Variants in MICAL3 observed in about 807,000 individuals in gnomAD.
MICAL3 encodes the protein microtubule associated monooxygenase, calponin and LIM domain containing 3, also known as [F-actin]-monooxygenase MICAL3.
A neutral mutation model predicts 207.4 loss-of-function variants in MICAL3; 62 were observed. The observed-to-expected ratio is 0.30, with a 90% confidence interval of 0.24 to 0.37. MICAL3 has a LOEUF of 0.37. MICAL3 is among the 10% of genes least tolerant of loss of function. The pLI, the probability that MICAL3 is intolerant of heterozygous loss-of-function variation, is 1.00. For missense variants in MICAL3, 2,368 were observed against 2,635.6 expected, an observed-to-expected ratio of 0.90 and a Z score of 2.22; for synonymous variants, 1,077 against 1,069.3, an observed-to-expected ratio of 1.01 and a Z score of -0.14.
chr22:17,838,823 C>T (rs980485956), intron 20 of MICAL3, among the ~76,000 whole-genome samples: 8 of 152,160 alleles, frequency 5.3e-5, no homozygotes, highest in African/African-American at 1.2e-4. Context: ...GAAGGACCGA[C>T]GGCTGGAAAG....
chr22:17,800,123 G>T (rs1262997227), intron 29 of MICAL3, among the ~76,000 whole-genome samples: 2 of 152,144 alleles, frequency 1.3e-5, no homozygotes, highest in African/African-American at 4.8e-5. Flanking sequence ...GCTCAGAAGG[G>T]CAGGGGCTGG....
chr22:17,864,671 GC>G, intron 19 of MICAL3: 1 of 1,607,208 alleles, frequency 6.2e-7, no homozygotes, highest in Non-Finnish European at 8.5e-7. Flanking sequence ...GCCACAGCCT[GC>G]CAGTGGAACT....
chr22:17,838,312 G>A (rs1200871712), intron 20 of MICAL3, among the ~76,000 whole-genome samples: 1 of 152,310 alleles, frequency 6.6e-6, no homozygotes, highest in East Asian at 1.9e-4. Flanking sequence ...AGCCCTGGGT[G>A]ACTCTGGCAT....
intron 29 of MICAL3, among the ~76,000 whole-genome samples, chr22:17,807,107 G>A (rs1196398866): frequency 2.6e-5 from 4 of 152,256 alleles, no homozygotes; most frequent in Admixed American, 2.0e-4. Flanking sequence ...TTCTGTCTGT[G>A]TGTTGAGATC....
chr22:17,970,948 G>A (rs536410562), intron 1 of MICAL3, among the ~76,000 whole-genome samples: 71 of 152,260 alleles, frequency 4.7e-4, no homozygotes, highest in African/African-American at 1.4e-3. Flanking sequence ...TTGGGAGGTC[G>A]AAGTGGGCAG....
At chr22:17,887,738 A>G (rs1930052703) in intron 13 of MICAL3, among the ~76,000 whole-genome samples, 1 of 152,236 alleles carries the variant, frequency 6.6e-6, no homozygotes, top group African/African-American at 2.4e-5. Flanking sequence ...TGTGATTGTT[A>G]GTTACAGCAG....
Position 17,865,957 on chromosome 22 carries a change from C to T in MICAL3, c.2484G>A (p.Arg828=). ...ACAGGGGAGCCACTGCCGGTCTCTT[C>T]CTTTGTGCGTAGCCAGAGAGTCGAT... ...YCYRLSGYAQ[R]KRPAVAPLSG... Residue 828 remains arginine, a synonymous_variant, in exon 18 of 32, where the codon AGG becomes AGA. Coordinates refer to ENST00000441493, the MANE Select transcript of MICAL3 (RefSeq NM_015241.3). 6.2e-7 allele frequency: 1 copy of T among 1,614,000 alleles called. No individual in the cohort carries two copies. The highest frequency in any genetic ancestry group is 8.5e-7 in the Non-Finnish European group (1 of 1,179,852).
At chr22:17,849,387 T>C (rs541946990) in intron 19 of MICAL3, among the ~76,000 whole-genome samples, 1 of 152,334 alleles carries the variant, frequency 6.6e-6, no homozygotes, top group East Asian at 1.9e-4. Flanking sequence ...CCAGCTACAG[T>C]GCACCGGTGC....
intron 1 of MICAL3, among the ~76,000 whole-genome samples, chr22:17,912,470 TAAGC>T (rs1932207074): frequency 2.0e-5 from 3 of 152,216 alleles, no homozygotes; most frequent in African/African-American, 7.2e-5. Flanking sequence ...TTCCAACCCA[TAAGC>T]GTGAATTTGT....
chr22:17,911,477 G>A (rs1260346298), intron 1 of MICAL3, among the ~76,000 whole-genome samples: 2 of 152,196 alleles, frequency 1.3e-5, no homozygotes, highest in Non-Finnish European at 2.9e-5. Context: ...ACAGCAATCT[G>A]TGAACTGCGC....
At chr22:17,901,454 A>G (rs1931313250) in intron 5 of MICAL3, among the ~76,000 whole-genome samples, 1 of 152,102 alleles carries the variant, frequency 6.6e-6, no homozygotes, top group South Asian at 2.1e-4. Context: ...AGAGTGCTTG[A>G]GCCAAGGAGT....
chr22:17,933,266 ACTGT>A (rs1933358003), intron 1 of MICAL3, among the ~76,000 whole-genome samples: 1 of 152,214 alleles, frequency 6.6e-6, no homozygotes, highest in African/African-American at 2.4e-5. Context: ...ATCACAACAA[ACTGT>A]CTCTCAGACA....
Position 17,885,919 on chromosome 22 carries a change from C to T in MICAL3, c.2200G>A (p.Glu734Lys). 6 of 1,614,042 alleles carry T rather than the reference C, an allele frequency of 3.7e-6. No individual in the cohort carries two copies. The highest frequency in any genetic ancestry group is 5.1e-6 in the Non-Finnish European group (6 of 1,179,904). ...YMATQLLAKF[E>K]ENAPAQSIGI... ...ATGGACTGTGCGGGCGCATTCTCTT[C>T]AAATTTGGCCAGCAGCTGGGTCGCC... The change falls in exon 16 of 32, where the codon GAA becomes AAA. Residue 734 changes from glutamate to lysine, a missense_variant. Coordinates refer to ENST00000441493, the MANE Select transcript of MICAL3 (RefSeq NM_015241.3).
chr22:17,884,844 G>A (rs779095493), intron 16 of MICAL3, among the ~76,000 whole-genome samples: 50 of 152,112 alleles, frequency 3.3e-4, no homozygotes, highest in Non-Finnish European at 5.6e-4. Context: ...AAAGACTGGC[G>A]TGCAAAGACT....
chr22:17,916,073 A>C (rs1056371454), intron 1 of MICAL3, among the ~76,000 whole-genome samples: 16 of 151,128 alleles, frequency 1.1e-4, no homozygotes, highest in Non-Finnish European at 1.9e-4. Flanking sequence ...AAAAAAAAAA[A>C]AAAAAAACCC....
At chr22:17,797,326 C>A (rs114889107) in intron 29 of MICAL3, among the ~76,000 whole-genome samples, 1,610 of 152,152 alleles carry the variant, frequency 0.011, 30 homozygotes, top group African/African-American at 0.036. Context: ...TGCAGTGAGA[C>A]CCCGTCTCTA....
intron 19 of MICAL3, among the ~76,000 whole-genome samples, chr22:17,843,085 C>T (rs947841427): frequency 7.7e-5 from 11 of 143,226 alleles, no homozygotes; most frequent in African/African-American, 2.6e-4. Context: ...TGCGCCACTG[C>T]ACTCCAGCCT....
At chr22:17,951,117 A>AACACTGCCCTTACTCAAC (rs1934328913) in intron 1 of MICAL3, among the ~76,000 whole-genome samples, 1 of 152,158 alleles carries the variant, frequency 6.6e-6, no homozygotes, top group Admixed American at 6.5e-5. Context: ...CCACTGTCTC[A>AACACTGCCCTTACTCAAC]AAGTGGCACT....
In MICAL3 at chr22:17,865,108, TATTTA is replaced by T. The variant is rs1926945277; in HGVS notation, c.2518-127_2518-123del. ...AATTTTATTTATTTATTTATTTATT[TATTTA>T]TTTATTTATTTATTTAAGAGACAGG... On this transcript the variant is annotated intron_variant, in intron 18 of 31. Coordinates refer to ENST00000441493, the MANE Select transcript of MICAL3 (RefSeq NM_015241.3). 9.9e-6 allele frequency: 7 copies of T among 708,226 alleles called. No individual in the cohort carries two copies. The East Asian group carries it at 3.4e-4, about 35-fold the overall frequency. 43.9% of individuals were successfully genotyped at this position (708,226 alleles called of 1,614,324 possible). A position where few individuals can be genotyped will look rare whatever the true frequency, so the allele number is the denominator to read the frequency against.
Sources: gnomAD v4.1 joint callset for allele counts (sites outside exome capture counted in the v4.1 genomes callset) on GRCh38, gnomAD v4.1.1 for gene constraint, MANE v1.5 for transcripts, NCBI Gene and HGNC (gene_info 2026-07-23, HGNC 2026-07-21) for gene names.